The following SVIL variants were observed in gnomAD, a reference collection of about 807,000 sequenced individuals.
SVIL encodes the protein archvillin.
SVIL carries 101 observed loss-of-function variants against 240.4 expected under a neutral mutation model. That is an observed-to-expected ratio of 0.42 (90% CI 0.36 to 0.50). The LOEUF (loss-of-function observed/expected upper bound fraction) is 0.50, where lower values mean the gene tolerates loss of function less well. Ranked by LOEUF, SVIL falls within the 20% of genes least tolerant of loss-of-function variation. The pLI, the probability that SVIL is intolerant of heterozygous loss-of-function variation, is 0.01. For synonymous variants in SVIL, 999 were observed against 1,100.0 expected, an observed-to-expected ratio of 0.91 and a Z score of 1.82; for missense variants, 2,512 against 2,818.7, an observed-to-expected ratio of 0.89 and a Z score of 2.46.
chr10:29,612,407 T>C (rs1194721473), intron 1 of SVIL, among the ~76,000 whole-genome samples: 1 of 152,108 alleles, frequency 6.6e-6, no homozygotes, highest in Non-Finnish European at 1.5e-5. Context: ...ACATCATCCA[T>C]GGTATCAGGG....
At chr10:29,464,497 C>T (rs1306659441) in intron 34 of SVIL, among the ~76,000 whole-genome samples, 1 of 152,118 alleles carries the variant, frequency 6.6e-6, no homozygotes, top group Non-Finnish European at 1.5e-5. Flanking sequence ...TTTCCTCCTA[C>T]CTTTTTCTCC....
chr10:29,524,079 A>G, intron 14 of SVIL, 52 bp from the exon 15 acceptor site: 5 of 1,498,082 alleles, frequency 3.3e-6, no homozygotes, highest in Non-Finnish European at 4.5e-6. Flanking sequence ...TATCATCTAT[A>G]TAAATCCTGG....
intron 1 of SVIL, among the ~76,000 whole-genome samples, chr10:29,700,500 A>G (rs1621832): frequency 0.72 from 99,212 of 138,576 alleles, 35,520 homozygotes; most frequent in East Asian, 0.82. Flanking sequence ...AGATGGAGAT[A>G]TGCTCTGTCG....
intron 1 of SVIL, among the ~76,000 whole-genome samples, chr10:29,608,914 G>A (rs1957130890): frequency 6.6e-6 from 1 of 152,220 alleles, no homozygotes. Flanking sequence ...AACCTGGAGT[G>A]AGAACTTCAC....
intron 12 of SVIL, among the ~76,000 whole-genome samples, chr10:29,529,366 C>CGG: frequency 9.2e-6 from 1 of 108,740 alleles, no homozygotes; most frequent in East Asian, 2.1e-4. Flanking sequence ...CTGAGCATCA[C>CGG]CGGCCAGGAG....
chr10:29,506,003 G>A (rs1228739641), intron 17 of SVIL, among the ~76,000 whole-genome samples: 2 of 152,068 alleles, frequency 1.3e-5, no homozygotes, highest in Admixed American at 1.3e-4. Flanking sequence ...AAATCATTTC[G>A]TGATGACTTA....
intron 9 of SVIL, 118 bp downstream of exon 9, chr10:29,531,883 TG>T: frequency 8.4e-7 from 1 of 1,196,934 alleles, no homozygotes; most frequent in South Asian, 1.5e-5. Flanking sequence ...ATAGGTTAGA[TG>T]GAACAATTAT....
chr10:29,584,180 G>T (rs753620389), intron 1 of SVIL, among the ~76,000 whole-genome samples: 3 of 152,214 alleles, frequency 2.0e-5, no homozygotes, highest in African/African-American at 7.2e-5. Flanking sequence ...GAAGAAGAGC[G>T]GACAGTGTGG....
chr10:29,519,003 A>G (rs1309364249), intron 16 of SVIL, among the ~76,000 whole-genome samples: 2 of 152,226 alleles, frequency 1.3e-5, no homozygotes, highest in African/African-American at 4.8e-5. Flanking sequence ...AGGCTGAAGA[A>G]GACAGACCTG....
intron 2 of SVIL, among the ~76,000 whole-genome samples, chr10:29,664,712 A>G (rs1392495952): frequency 1.3e-5 from 2 of 151,534 alleles, no homozygotes; most frequent in African/African-American, 4.9e-5. Context: ...ACACACATGC[A>G]CACATACATA....
intron 3 of SVIL, among the ~76,000 whole-genome samples, chr10:29,559,736 T>C (rs1209164344): frequency 6.6e-6 from 1 of 152,240 alleles, no homozygotes; most frequent in Non-Finnish European, 1.5e-5. Context: ...GGTACTACTG[T>C]GGCAATCTGG....
In SVIL at chr10:29,522,413, T is replaced by C. The variant is rs2132529196; in HGVS notation, c.3386A>G (p.Glu1129Gly). 6.2e-7 allele frequency: 1 copy of C among 1,614,104 alleles called. No homozygotes were observed. The highest frequency in any genetic ancestry group is 1.1e-5 in the South Asian group (1 of 91,064). Reference sequence around the variant, plus strand: ...TTCGCTCACCGAATCTCATTACCTTTCTTTAATAGACATGGTTTTGCTGGG... The same window carrying C: ...TTCGCTCACCGAATCTCATTACCTTCCTTTAATAGACATGGTTTTGCTGGG... ...DSPSKTMSIK[E>G]RLALLKKSGE... Residue 1129 changes from glutamate (E) to glycine (G), a missense_variant, in exon 16 of 38, where the codon GAA (glutamate) becomes GGA (glycine). Coordinates refer to ENST00000355867, the MANE Select transcript of SVIL (RefSeq NM_021738.3).
chr10:29,561,268 T>C (rs2132687246), intron 3 of SVIL, among the ~76,000 whole-genome samples: 1 of 152,342 alleles, frequency 6.6e-6, no homozygotes, highest in Admixed American at 6.5e-5. Context: ...TTAATACAAC[T>C]GGCTAATAAG....
At chr10:29,579,444 A>C (rs1170838665) in intron 1 of SVIL, among the ~76,000 whole-genome samples, 1 of 152,006 alleles carries the variant, frequency 6.6e-6, no homozygotes, top group Non-Finnish European at 1.5e-5. Context: ...TCTCAAAAAA[A>C]CAAAACAAAC....
intron 3 of SVIL, among the ~76,000 whole-genome samples, chr10:29,656,192 T>TA (rs1959000485): frequency 6.6e-6 from 1 of 151,874 alleles, no homozygotes; most frequent in South Asian, 2.1e-4. Context: ...TTTTTTTTTT[T>TA]TAAAAACATG....
intron 2 of SVIL, among the ~76,000 whole-genome samples, chr10:29,668,435 G>A (rs1311621787): frequency 6.6e-6 from 1 of 152,168 alleles, no homozygotes; most frequent in African/African-American, 2.4e-5. Context: ...AGTAAGCCAA[G>A]GTTACTGCTA....
intron 21 of SVIL, among the ~76,000 whole-genome samples, chr10:29,492,165 A>G (rs565717302): frequency 9.2e-5 from 14 of 152,116 alleles, no homozygotes; most frequent in Non-Finnish European, 2.1e-4. Context: ...CGTGGCTCTA[A>G]AGGAGACCCA....
intron 17 of SVIL, among the ~76,000 whole-genome samples, chr10:29,506,600 G>A (rs1291631635): frequency 6.6e-6 from 1 of 151,762 alleles, no homozygotes; most frequent in African/African-American, 2.4e-5. Flanking sequence ...TCCTGCTGGG[G>A]AGACAAGGCC....
At position 29,467,854 on chromosome 10, in the gene SVIL, C is replaced by T. The variant is rs1235400299; in HGVS notation, c.5865G>A (p.Leu1955=). The stretch of plus-strand genomic sequence containing the variant: ...GTATTGTGACTTTGCTGCTACTATG[C>T]AGTCCTGCTTCCAGGGGACATCTGC... ...IKEQCPLEAG[L]HSSSKVTIHE... is the part of the protein sequence containing the mutation. The change falls in exon 33 of 38, where the codon CTG becomes CTA. Residue 1955 remains leucine, a synonymous_variant. Coordinates refer to ENST00000355867, the MANE Select transcript of SVIL (RefSeq NM_021738.3). The T allele has an allele frequency of 1.9e-6, 3 of 1,614,202 alleles. No homozygotes were observed. Among genetic ancestry groups the T allele is most frequent in the South Asian group, 2.2e-5 (2 of 91,082 alleles).
Sources: allele counts gnomAD v4.1 joint callset (sites outside exome capture counted in the v4.1 genomes callset), GRCh38; gene constraint gnomAD v4.1.1; transcripts MANE v1.5; gene names NCBI Gene and HGNC (gene_info 2026-07-23, HGNC 2026-07-21).